The following SLC35F4 variants were observed in gnomAD, a reference collection of about 807,000 sequenced individuals.
SLC35F4 encodes the protein chromosome 14 open reading frame 36.
SLC35F4 carries 24 observed loss-of-function variants against 44.2 expected under a neutral mutation model. The ratio of observed to expected loss-of-function variants is 0.54; its 90% confidence interval spans 0.39 to 0.76. The LOEUF (loss-of-function observed/expected upper bound fraction) is 0.76. Among genes scored for constraint, SLC35F4 ranks in the 30% least tolerant of loss-of-function variants. SLC35F4 has a pLI of 0.00. For missense variants in SLC35F4, 562 were observed against 586.1 expected (o/e 0.96, Z 0.42); for synonymous variants, 238 against 223.6 (o/e 1.06, Z -0.57).
At chr14:57,702,254 C>T (rs188345981) in intron 1 of SLC35F4, among the ~76,000 whole-genome samples, 1 of 151,638 alleles carries the variant, frequency 6.6e-6, no homozygotes, top group Non-Finnish European at 1.5e-5. Context: ...TCCTTTACCC[C>T]CCTGAATACG....
chr14:57,944,691 AAAGAAAAG>A (rs1428500870), intron 1 of SLC35F4, among the ~76,000 whole-genome samples: 4 of 102,338 alleles, frequency 3.9e-5, no homozygotes, highest in South Asian at 5.9e-4. Context: ...GAAAAGAAAG[AAAGAAAAG>A]AAAGAAAGAA....
chr14:57,854,988 A>C (rs1886945458), intron 1 of SLC35F4, among the ~76,000 whole-genome samples: 1 of 152,252 alleles, frequency 6.6e-6, no homozygotes, highest in Non-Finnish European at 1.5e-5. Context: ...GGGTATGACC[A>C]AAAAATAAAT....
At chr14:57,752,033 G>T (rs2076896699) in intron 1 of SLC35F4, among the ~76,000 whole-genome samples, 1 of 151,856 alleles carries the variant, frequency 6.6e-6, no homozygotes, top group African/African-American at 2.4e-5. Context: ...TTGCCGATTA[G>T]ACCTTCCTTT....
At chr14:57,791,816 G>A (rs1410335138) in intron 1 of SLC35F4, among the ~76,000 whole-genome samples, 1 of 152,140 alleles carries the variant, frequency 6.6e-6, no homozygotes, top group Non-Finnish European at 1.5e-5. Context: ...CCTTTGCAGG[G>A]ACATGGATAA....
Position 57,841,396 on chromosome 14 carries a change from C to A in SLC35F4, c.103+24327G>T, listed in dbSNP as rs142886578. ...AAAGCACCAGTCCCAGAGGTATGAA[C>A]CAGAAAACTAAAATAGCGATTGTGG... On this transcript the variant is annotated intron_variant, in intron 1 of 7. Coordinates refer to ENST00000556826, the MANE Select transcript of SLC35F4 (RefSeq NM_001306087.2). 5.6e-3 allele frequency among the ~76,000 whole-genome samples: 854 copies of A among 152,128 alleles called. 7 individuals are homozygous for A. The highest frequency in any genetic ancestry group is 0.02 in the African/African-American group (813 of 41,490).
At chr14:57,798,389 C>T (rs962392093) in intron 1 of SLC35F4, among the ~76,000 whole-genome samples, 2 of 152,076 alleles carry the variant, frequency 1.3e-5, no homozygotes, top group African/African-American at 4.8e-5. Context: ...CAGCAGGATC[C>T]TCTGTACTCA....
intron 1 of SLC35F4, among the ~76,000 whole-genome samples, chr14:57,862,658 T>C (rs990673051): frequency 1.5e-4 from 23 of 152,238 alleles, no homozygotes; most frequent in African/African-American, 5.5e-4. Context: ...TGGATGTCCA[T>C]ATGGCTAACT....
chr14:57,621,910 C>A (rs904488424), intron 1 of SLC35F4, among the ~76,000 whole-genome samples: 2 of 150,642 alleles, frequency 1.3e-5, no homozygotes, highest in Admixed American at 6.7e-5. Context: ...ATTTTTGCAA[C>A]CTACTCATCT....
At chr14:57,932,909 C>A (rs903023617) in intron 1 of SLC35F4, among the ~76,000 whole-genome samples, 2 of 152,126 alleles carry the variant, frequency 1.3e-5, no homozygotes, top group African/African-American at 2.4e-5. Context: ...TCTTCTGATG[C>A]AATACATATT....
At chr14:57,791,139 C>T (rs2077907038) in intron 1 of SLC35F4, among the ~76,000 whole-genome samples, 1 of 152,138 alleles carries the variant, frequency 6.6e-6, no homozygotes, top group South Asian at 2.1e-4. Context: ...CAAATGGGAT[C>T]TAATTAAACT....
chr14:57,763,877 T>C (rs1202094860), intron 1 of SLC35F4, among the ~76,000 whole-genome samples: 1 of 152,164 alleles, frequency 6.6e-6, no homozygotes, highest in Admixed American at 6.6e-5. Context: ...CTAATTAACC[T>C]ACCCATTAAA....
At chr14:57,906,074 G>A (rs1268734696) in intron 1 of SLC35F4, among the ~76,000 whole-genome samples, 3 of 152,172 alleles carry the variant, frequency 2.0e-5, no homozygotes, top group Admixed American at 6.5e-5. Context: ...TAGGCATGAG[G>A]ACAGTGTGCA....
At chr14:57,900,938 T>C (rs1888986450) in intron 1 of SLC35F4, among the ~76,000 whole-genome samples, 1 of 152,156 alleles carries the variant, frequency 6.6e-6, no homozygotes, top group Non-Finnish European at 1.5e-5. Context: ...TCACTGATCA[T>C]TAAAGAAATG....
chr14:57,858,858 C>T (rs1326382564), intron 1 of SLC35F4, among the ~76,000 whole-genome samples: 1 of 149,458 alleles, frequency 6.7e-6, no homozygotes, highest in East Asian at 1.9e-4. Flanking sequence ...CTTTAGGAGG[C>T]TGAGGTGGGA....
At chr14:57,719,280 G>A (rs989839358) in intron 1 of SLC35F4, among the ~76,000 whole-genome samples, 28 of 152,094 alleles carry the variant, frequency 1.8e-4, no homozygotes, top group Middle Eastern at 3.4e-3. Context: ...GATTCCTCCA[G>A]TTTTGTTATC....
At chr14:57,974,145 C>T (rs1227909687), downstream of SLC35F4, among the ~76,000 whole-genome samples, 2 of 152,118 alleles carry the variant, frequency 1.3e-5, no homozygotes, top group Admixed American at 6.5e-5. Flanking sequence ...GCAATGGGCT[C>T]ATTTAGGGAC....
intron 1 of SLC35F4, among the ~76,000 whole-genome samples, chr14:57,697,080 G>C (rs1304077134): frequency 6.6e-6 from 1 of 152,114 alleles, no homozygotes; most frequent in Non-Finnish European, 1.5e-5. Flanking sequence ...AGAACTTTAA[G>C]TAAAATTTTT....
chr14:57,839,437 T>C (rs148006335), intron 1 of SLC35F4, among the ~76,000 whole-genome samples: 62 of 152,186 alleles, frequency 4.1e-4, no homozygotes, highest in Admixed American at 6.5e-4. Context: ...TGCAGAGACA[T>C]AGATGGAGCT....
chr14:57,901,536 G>T (rs1313437650), intron 1 of SLC35F4, among the ~76,000 whole-genome samples: 1 of 152,108 alleles, frequency 6.6e-6, no homozygotes, highest in Non-Finnish European at 1.5e-5. Context: ...GGGTGGGGTA[G>T]GGGAAGGGAG....
Sources: gnomAD v4.1 joint callset for allele counts (sites outside exome capture counted in the v4.1 genomes callset) on GRCh38, gnomAD v4.1.1 for gene constraint, MANE v1.5 for transcripts, NCBI Gene and HGNC (gene_info 2026-07-23, HGNC 2026-07-21) for gene names.